MARF1: variants seen among roughly 807,000 people sequenced by gnomAD.
The protein encoded by MARF1 is limkain-b1.
Under a neutral mutation model 168.2 loss-of-function variants are expected in MARF1, and 24 were observed. That is an observed-to-expected ratio of 0.14 (90% CI 0.10 to 0.20). The LOEUF is 0.20. Among genes scored for constraint, MARF1 ranks in the 10% least tolerant of loss-of-function variants. The probability of loss-of-function intolerance (pLI) is 1.00; values close to 1 mark genes in which losing one functional copy is unlikely to be tolerated. For synonymous variants in MARF1, 868 were observed against 822.4 expected, an observed-to-expected ratio of 1.06 and a Z score of -0.95; for missense variants, 1,744 against 2,143.6, an observed-to-expected ratio of 0.81 and a Z score of 3.68.
intron 21 of MARF1, among the ~76,000 whole-genome samples, chr16:15,607,844 C>G (rs2033145832): frequency 6.6e-6 from 1 of 152,206 alleles, no homozygotes; most frequent in Admixed American, 6.5e-5. Context: ...AAAGGCCACT[C>G]TGCACCCTCG....
In MARF1 at chr16:15,630,446, A is replaced by G. The variant is rs766771705; in HGVS notation, c.1410T>C (p.Ile470=). 1.9e-6 allele frequency: 3 copies of G among 1,614,084 alleles called. No individual in the cohort carries two copies. The highest frequency in any genetic ancestry group is 2.2e-5 in the East Asian group (1 of 44,882). The change falls in exon 7 of 27, where the codon ATT becomes ATC. Residue 470 remains isoleucine, a synonymous_variant. Coordinates refer to ENST00000396368, the MANE Select transcript of MARF1 (RefSeq NM_014647.4). ...AGGCCTGGTTTTTATGGACCAAAAT[A>G]ATGTGGAAACCATGCCTGTGTCTCA... ...SDLRHRHGFH[I]ILVHKNQASE...
chr16:15,598,584 C>T (rs527717321), intron 26 of MARF1, among the ~76,000 whole-genome samples: 2 of 152,170 alleles, frequency 1.3e-5, no homozygotes, highest in African/African-American at 4.8e-5. Flanking sequence ...GAGGCCCCAC[C>T]CACCCCTGTG....
intron 16 of MARF1, 26 bp downstream of exon 16, chr16:15,615,804 T>C: frequency 6.7e-7 from 1 of 1,493,086 alleles, no homozygotes; most frequent in Non-Finnish European, 9.0e-7. Flanking sequence ...AGGTGGTAGC[T>C]CCAGGACAAA....
intron 7 of MARF1, among the ~76,000 whole-genome samples, chr16:15,627,542 C>A (rs866223596): frequency 2.6e-5 from 4 of 152,132 alleles, no homozygotes; most frequent in African/African-American, 9.7e-5. Flanking sequence ...CAATTGAACC[C>A]GGCAGGTGGA....
Position 15,636,297 on chromosome 16 carries a change from C to A in MARF1, c.190G>T (p.Val64Leu), listed in dbSNP as rs992155998. The A allele has an allele frequency of 6.3e-7, 1 of 1,596,502 alleles. No homozygotes were observed. The highest frequency in any genetic ancestry group is 1.3e-5 in the African/African-American group (1 of 74,452). ...NKKVAVELKD[V>L]PSPLHAGSKL... Reference sequence around the variant, plus strand: ...GAGCCAGCATGAAGGGGTGATGGTACATCCTTTAGTTCCACAGCAACTTTC... The same window carrying A: ...GAGCCAGCATGAAGGGGTGATGGTAAATCCTTTAGTTCCACAGCAACTTTC... The change falls in exon 3 of 27, where the codon GTA (valine) becomes TTA (leucine). Residue 64 changes from valine (V) to leucine (L), a missense_variant. This residue lies in a region of MARF1 where 318 missense variants were observed against 336.6 expected (regional missense o/e 0.94). Coordinates refer to ENST00000396368, the MANE Select transcript of MARF1 (RefSeq NM_014647.4).
rs1205709758 is a variant in MARF1, at chr16:15,594,651, T to C, written c.*2042A>G. 1.7e-4 allele frequency: 26 copies of C among 152,612 alleles called. No individual in the cohort carries two copies. The highest frequency in any genetic ancestry group is 3.7e-4 in the Non-Finnish European group (25 of 68,038). The allele number at this position is 152,612 out of a possible 1,614,324, so 9.5% of individuals were successfully genotyped here. ...ACATTGTCTTAATGCTCAAACATCA[T>C]TTTACCACATCATTTAATTAAGCCT... On this transcript the variant is annotated 3_prime_UTR_variant, in exon 27 of 27. Transcript: ENST00000396368.
At position 15,611,042 on chromosome 16, in the gene MARF1, C is replaced by T; in HGVS notation, c.3684G>A (p.Glu1228=). 1.2e-6 allele frequency: 2 copies of T among 1,613,716 alleles called. No individual in the cohort carries two copies. Among genetic ancestry groups the T allele is most frequent in the Non-Finnish European group, 1.7e-6 (2 of 1,179,628 alleles). ...ACAAGCAGATGGTTGTGTCTGGAAT[C>T]TCTGATACGATGTCAATCAACTCAC... ...GVCELIDIVS[E]IPDTTICLSQ... The change falls in exon 19 of 27, where the codon GAG becomes GAA. Residue 1228 remains glutamate (E), a synonymous_variant. Coordinates refer to ENST00000396368, the MANE Select transcript of MARF1 (RefSeq NM_014647.4).
At chr16:15,634,228 G>A (rs1490995908) in intron 4 of MARF1, among the ~76,000 whole-genome samples, 1 of 152,122 alleles carries the variant, frequency 6.6e-6, no homozygotes, top group Non-Finnish European at 1.5e-5. Flanking sequence ...CTACCTACTT[G>A]GTAGTAACCA....
chr16:15,601,264 T>C (rs2032395974), intron 23 of MARF1: 2 of 364,296 alleles, frequency 5.5e-6, no homozygotes, highest in South Asian at 4.2e-5. Flanking sequence ...TCCTACTTCC[T>C]CTATTCTACT....
chr16:15,638,137 C>T (rs1348411792), intron 2 of MARF1, among the ~76,000 whole-genome samples: 2 of 152,150 alleles, frequency 1.3e-5, no homozygotes, highest in African/African-American at 4.8e-5. Context: ...GCACTCCAGC[C>T]TAGGGGGCTG....
chr16:15,625,946 T>C, intron 7 of MARF1, 146 bp from the exon 8 acceptor site: 2 of 649,276 alleles, frequency 3.1e-6, no homozygotes, highest in South Asian at 3.8e-5. Context: ...GGGTAAATTA[T>C]TTAGTGTTGA....
At position 15,630,486 on chromosome 16, in the gene MARF1, A is replaced by G; in HGVS notation, c.1370T>C (p.Leu457Ser). The G allele has an allele frequency of 6.2e-7, 1 of 1,613,354 alleles. No individual in the cohort carries two copies. Among genetic ancestry groups the G allele is most frequent in the Non-Finnish European group, 8.5e-7 (1 of 1,179,726 alleles). ...VLVSTDVNFA[L>S]ELSDLRHRHG... ...CCTGTGTCTCAGGTCACTAAGTTCC[A>G]ATGCAAAATTGACATCAGCTGAAAG... The change falls in exon 7 of 27, where the codon TTG becomes TCG. Residue 457 changes from leucine (L) to serine (S), a missense_variant. Physicochemically the swap from Leu to Ser is moderately radical, Grantham distance 145. Coordinates refer to ENST00000396368, the MANE Select transcript of MARF1 (RefSeq NM_014647.4).
At chr16:15,608,555 ACAAAT>A in intron 20 of MARF1, 37 bp from the exon 21 acceptor site, 3 of 1,499,654 alleles carry the variant, frequency 2.0e-6, no homozygotes, top group Non-Finnish European at 2.8e-6. Flanking sequence ...GGGAAAATAA[ACAAAT>A]CACGGGTGTT....
chr16:15,597,337 G>A (rs1210480301), intron 26 of MARF1, among the ~76,000 whole-genome samples: 3 of 152,284 alleles, frequency 2.0e-5, no homozygotes, highest in Admixed American at 6.5e-5. Context: ...GGGTGGGGTC[G>A]GAGCATCTGG....
chr16:15,622,615 T>C (rs1161291655), intron 11 of MARF1, among the ~76,000 whole-genome samples: 3 of 152,148 alleles, frequency 2.0e-5, no homozygotes, highest in Non-Finnish European at 4.4e-5. Context: ...ACTCCTGACC[T>C]CAGGTGATCT....
rs2034137349 is a variant in MARF1, at chr16:15,617,343, A to G, written c.2913T>C (p.Tyr971=). The G allele has an allele frequency of 1.2e-6, 2 of 1,614,138 alleles. No individual in the cohort carries two copies. Among genetic ancestry groups the G allele is most frequent in the Non-Finnish European group, 1.7e-6 (2 of 1,180,008 alleles). The change falls in exon 14 of 27, where the codon TAT becomes TAC. Residue 971 remains tyrosine (Y), a synonymous_variant. Coordinates refer to ENST00000396368, the MANE Select transcript of MARF1 (RefSeq NM_014647.4). ...AATGCTGTCTGCAGACAGGCTCGTGATATTCTAACTCTTCAAATATAATTG... is the reference window on the plus strand; with the variant it reads ...AATGCTGTCTGCAGACAGGCTCGTGGTATTCTAACTCTTCAAATATAATTG... ...CSPIIFEELE[Y]HEPVCRQHCS...
At chr16:15,621,119 G>A (rs772770908) in intron 12 of MARF1, among the ~76,000 whole-genome samples, 9 of 151,388 alleles carry the variant, frequency 5.9e-5, no homozygotes, top group Admixed American at 2.0e-4. Flanking sequence ...AAAAAAACCC[G>A]TAACTCGTAA....
At chr16:15,624,731 C>G (rs1433095118) in intron 10 of MARF1, 38 bp downstream of exon 10, 1 of 1,585,300 alleles carries the variant, frequency 6.3e-7, no homozygotes, top group South Asian at 1.1e-5. Flanking sequence ...CTTCCTATTA[C>G]ATGTAACCAC....
chr16:15,609,435 C>T (rs2033321473), intron 20 of MARF1, 88 bp downstream of exon 20: 3 of 1,095,356 alleles, frequency 2.7e-6, no homozygotes, highest in Middle Eastern at 4.6e-4. Context: ...CTCCCTACTT[C>T]CCAGAAAAAC....
Sources: gnomAD v4.1 joint callset for allele counts (sites outside exome capture counted in the v4.1 genomes callset) on GRCh38, gnomAD v4.1.1 for gene constraint, gnomAD v4.1.1 regional missense constraint, MANE v1.5 for transcripts, NCBI Gene and HGNC (gene_info 2026-07-23, HGNC 2026-07-21) for gene names.